The following CCDC187 variants were observed in gnomAD, a reference collection of about 807,000 sequenced individuals.
The protein encoded by CCDC187 is coiled-coil domain containing 187, also known as coiled-coil domain-containing protein 187.
A neutral mutation model predicts 38.0 loss-of-function variants in CCDC187; 32 were observed. The observed-to-expected ratio is 0.84, with a 90% confidence interval of 0.64 to 1.13. CCDC187 has a LOEUF of 1.13. CCDC187 is among the 50% of genes most tolerant of loss of function. CCDC187 has a pLI of 0.00. For synonymous variants in CCDC187, 333 were observed against 347.9 expected, an observed-to-expected ratio of 0.96 and a Z score of 0.48; for missense variants, 707 against 786.8, an observed-to-expected ratio of 0.90 and a Z score of 1.21.
At chr9:136,261,776 C>T (rs1830681484) in intron 19 of CCDC187, among the ~76,000 whole-genome samples, 2 of 152,236 alleles carry the variant, frequency 1.3e-5, no homozygotes, top group Admixed American at 1.3e-4. Flanking sequence ...CTGCGCTGCC[C>T]CCCGCTTTCT....
intron 4 of CCDC187, among the ~76,000 whole-genome samples, chr9:136,293,185 T>C (rs1347488274): frequency 1.4e-5 from 1 of 72,908 alleles, no homozygotes; most frequent in Admixed American, 1.3e-4. Flanking sequence ...TCACACACAC[T>C]CACATGCTCA....
intron 4 of CCDC187, chr9:136,295,732 G>A (rs1831518216): frequency 6.6e-6 from 1 of 152,186 alleles, no homozygotes; most frequent in South Asian, 2.1e-4. Flanking sequence ...ACACTGTCAG[G>A]GTGACACGGT....
chr9:136,262,542 G>C, intron 18 of CCDC187, 80 bp from the exon 19 acceptor site: 1 of 979,128 alleles, frequency 1.0e-6, no homozygotes. Context: ...GCTTCACGTG[G>C]CTGTGGCTGT....
rs1830576243 is a variant in CCDC187 at position 136,253,646 on chromosome 9, C to T, written c.6182G>A (p.Ser2061Asn). 3 of 985,460 alleles carry T rather than the reference C, an allele frequency of 3.0e-6. No individual in the cohort carries two copies. The highest frequency in any genetic ancestry group is 1.7e-5 in the African/African-American group (1 of 57,244). The allele number at this position is 985,460 out of a possible 1,614,324, so 61.0% of individuals were successfully genotyped here. ...CCCAGGAAACAGTCCCTCCGGCAGA[C>T]TCTCCTCAGACAAGGAGGACAAATC... is the stretch of plus-strand genomic sequence containing the variant. ...TQDLSSLSEE[S>N]LPEGLFPGPQ... Residue 2061 changes from serine (S) to asparagine (N), a missense_variant, in exon 26 of 26, where the codon AGT becomes AAT. Physicochemically the swap from Ser to Asn is conservative, Grantham distance 46. Coordinates refer to ENST00000638797, the MANE Select transcript of CCDC187 (RefSeq NM_001378188.1).
intron 9 of CCDC187, among the ~76,000 whole-genome samples, chr9:136,284,157 T>C (rs1202169858): frequency 6.6e-6 from 1 of 151,978 alleles, no homozygotes; most frequent in Non-Finnish European, 1.5e-5. Context: ...GAGGGAAGGC[T>C]GGGCTTCGGG....
chr9:136,250,207 C>T lies in CCDC187; in HGVS notation c.*3387G>A. The T allele has an allele frequency of 6.2e-6, 1 of 162,216 alleles. No individual in the cohort carries two copies. Among genetic ancestry groups the T allele is most frequent in the Non-Finnish European group, 1.4e-5 (1 of 73,300 alleles). The allele number at this position is 162,216 out of a possible 1,614,324, so 10.0% of individuals were successfully genotyped here. A position where few individuals can be genotyped will look rare whatever the true frequency, so the allele number is the denominator to read the frequency against. ...CTCAGAGTAACCTGACGGCTCCGGC[C>T]CCCTCCAGGGCCGCTGTCCTTGGAA... On this transcript the variant is annotated 3_prime_UTR_variant, in exon 26 of 26. Transcript: ENST00000638797.
intron 23 of CCDC187, 47 bp from the exon 24 acceptor site, chr9:136,256,370 C>G: frequency 1.1e-6 from 1 of 895,498 alleles, no homozygotes. Flanking sequence ...TGGCCTCTGT[C>G]TCTGTCCACC....
rs1830535358 is a variant in CCDC187, at chr9:136,251,496, G to C, written c.*2098C>G. The stretch of plus-strand genomic sequence containing the variant: ...CGTCATGTGCCGGCAGTTTGGGTGT[G>C]GGAGGAGCCTCCAAAGTCAAAGCAG... On this transcript the variant is annotated 3_prime_UTR_variant, in exon 26 of 26. Transcript: ENST00000638797. 1 of 167,252 alleles carries C rather than the reference G, an allele frequency of 6.0e-6. No individual in the cohort carries two copies. 10.4% of individuals were successfully genotyped at this position (167,252 alleles called of 1,614,324 possible).
chr9:136,284,804 G>A (rs1275019124), intron 9 of CCDC187, among the ~76,000 whole-genome samples: 1 of 152,150 alleles, frequency 6.6e-6, no homozygotes. Context: ...CACAGCTGCT[G>A]CTGAGGCTTA....
At chr9:136,263,835 C>T (rs1463802225) in intron 17 of CCDC187, 37 bp from the exon 18 acceptor site, 42 of 985,042 alleles carry the variant, frequency 4.3e-5, no homozygotes, top group Non-Finnish European at 4.8e-5. Context: ...AGCATAACCC[C>T]GGAGCCAGCA....
intron 19 of CCDC187, among the ~76,000 whole-genome samples, 196 bp downstream of exon 19, chr9:136,262,115 C>T (rs1468445782): frequency 2.6e-5 from 4 of 152,274 alleles, no homozygotes; most frequent in African/African-American, 9.6e-5. Context: ...TACGGCCAAG[C>T]CTCAGAGAAG....
At chr9:136,274,049 C>A (rs1174883698) in intron 14 of CCDC187, among the ~76,000 whole-genome samples, 1 of 152,210 alleles carries the variant, frequency 6.6e-6, no homozygotes, top group African/African-American at 2.4e-5. Context: ...GTGCAGAGAG[C>A]TTTCCCACCA....
In CCDC187 at chr9:136,302,989, C is replaced by T. The variant is rs897161709; in HGVS notation, c.448G>A (p.Ala150Thr). Residue 150 changes from alanine to threonine, a missense_variant, in exon 2 of 26, where the codon GCG (alanine) becomes ACG (threonine). Ala to Thr is a moderately conservative substitution (Grantham distance 58). Coordinates refer to ENST00000638797, the MANE Select transcript of CCDC187 (RefSeq NM_001378188.1). ...GPQQRPRKSD[A>T]RLEQLRDKIR... ...TTGTCTCTCAGCTGCTCCAGCCGCGCGTCACTCTTTCTGGGCCTCTGCTGG... is the reference window on the plus strand; with the variant it reads ...TTGTCTCTCAGCTGCTCCAGCCGCGTGTCACTCTTTCTGGGCCTCTGCTGG... 1.1e-3 allele frequency: 447 copies of T among 398,762 alleles called. 1 individual carries two copies. The highest frequency in any genetic ancestry group is 1.8e-3 in the Non-Finnish European group (405 of 226,174). 24.7% of individuals were successfully genotyped at this position (398,762 alleles called of 1,614,324 possible). A position where few individuals can be genotyped will look rare whatever the true frequency, so the allele number is the denominator to read the frequency against.
chr9:136,304,435 T>C (rs915729496), upstream of CCDC187, among the ~76,000 whole-genome samples: 137 of 152,262 alleles, frequency 9.0e-4, 3 homozygotes, highest in East Asian at 9.5e-3. Context: ...CTCAGTTCCA[T>C]GGGGCTGGGC....
At chr9:136,273,936 C>T (rs922241896) in intron 14 of CCDC187, among the ~76,000 whole-genome samples, 1 of 152,236 alleles carries the variant, frequency 6.6e-6, no homozygotes, top group Non-Finnish European at 1.5e-5. Flanking sequence ...TCTTGCCGCT[C>T]CATCCCTACA....
At chr9:136,276,537 A>ATTCTATAGTCTGCACATTAGTGCCAC (rs1830934156) in intron 11 of CCDC187, 114 bp downstream of exon 11, 1 of 151,956 alleles carries the variant, frequency 6.6e-6, no homozygotes, top group Admixed American at 6.6e-5. Context: ...CTGTTTCTAA[A>ATTCTATAGTCTGCACATTAGTGCCAC]TTCTATAGTC....
chr9:136,277,122 C>G (rs1228036207), intron 10 of CCDC187, among the ~76,000 whole-genome samples: 1 of 151,866 alleles, frequency 6.6e-6, no homozygotes, highest in Non-Finnish European at 1.5e-5. Context: ...CCGGGTCTGT[C>G]ATGCATTTGC....
intron 17 of CCDC187, among the ~76,000 whole-genome samples, chr9:136,265,389 G>A (rs567834223): frequency 3.3e-5 from 5 of 152,280 alleles, no homozygotes; most frequent in East Asian, 3.9e-4. Flanking sequence ...TGCCAGGCGC[G>A]GCTAGGGATT....
rs1164260181 is a variant in CCDC187 at position 136,286,670 on chromosome 9, A to C, written c.2248T>G (p.Trp750Gly). Residue 750 changes from tryptophan (W) to glycine (G), a missense_variant, in exon 8 of 26, where the codon TGG (tryptophan) becomes GGG (glycine). Transcript: ENST00000638797. Reference sequence around the variant, plus strand: ...GGATCTAGGGTCTCAGCATGGTTCCAGGCTCTGTTCAAACACAGGCAGAAG... The same window carrying C: ...GGATCTAGGGTCTCAGCATGGTTCCCGGCTCTGTTCAAACACAGGCAGAAG... Reference protein sequence around the residue: ...GSFCLCLNRAWNHAETLDPPG... With the variant: ...GSFCLCLNRAGNHAETLDPPG... 4 of 398,748 alleles carry C rather than the reference A, an allele frequency of 1.0e-5. No homozygotes were observed. Among genetic ancestry groups the C allele is most frequent in the Non-Finnish European group, 1.8e-5 (4 of 226,242 alleles). 24.7% of individuals were successfully genotyped at this position (398,748 alleles called of 1,614,324 possible). A position where few individuals can be genotyped will look rare whatever the true frequency, so the allele number is the denominator to read the frequency against.
Sources: allele counts gnomAD v4.1 joint callset (sites outside exome capture counted in the v4.1 genomes callset), GRCh38; gene constraint gnomAD v4.1.1; transcripts MANE v1.5; gene names NCBI Gene and HGNC (gene_info 2026-07-23, HGNC 2026-07-21).